Variants in SEL1L2 observed in about 807,000 individuals in gnomAD.
SEL1L2 encodes protein sel-1 homolog 2.
Under a neutral mutation model 98.8 loss-of-function variants are expected in SEL1L2, and 89 were observed. The observed-to-expected ratio is 0.90, with a 90% CI of 0.76 to 1.07. The LOEUF (loss-of-function observed/expected upper bound fraction) is 1.07, where lower values mean the gene tolerates loss of function less well. Among genes scored for constraint, SEL1L2 ranks in the 50% least tolerant of loss-of-function variants. The pLI is 0.00. For synonymous variants in SEL1L2, 262 were observed against 278.5 expected, an observed-to-expected ratio of 0.94 and a Z score of 0.59; for missense variants, 788 against 812.0, an observed-to-expected ratio of 0.97 and a Z score of 0.36.
chr20:13,973,113 G>C (rs2051360516), intron 1 of SEL1L2, among the ~76,000 whole-genome samples: 1 of 152,102 alleles, frequency 6.6e-6, no homozygotes, highest in East Asian at 1.9e-4. Context: ...TTCTCAGTTT[G>C]ATCTTGAGCA....
chr20:13,901,827 A>T (rs1209337344), intron 5 of SEL1L2, among the ~76,000 whole-genome samples: 1 of 151,636 alleles, frequency 6.6e-6, no homozygotes, highest in Non-Finnish European at 1.5e-5. Flanking sequence ...ACGCCCGGCT[A>T]ATTTTTTGTA....
At chr20:13,944,740 T>C (rs970616799) in intron 2 of SEL1L2, among the ~76,000 whole-genome samples, 1 of 152,248 alleles carries the variant, frequency 6.6e-6, no homozygotes, top group Non-Finnish European at 1.5e-5. Context: ...CTCTTCAAAC[T>C]GTTTCCTTTT....
At chr20:13,936,307 A>C (rs958850988) in intron 2 of SEL1L2, among the ~76,000 whole-genome samples, 9 of 152,186 alleles carry the variant, frequency 5.9e-5, no homozygotes, top group African/African-American at 9.7e-5. Flanking sequence ...AGCCCTTCCC[A>C]AAAACTAAAC....
intron 5 of SEL1L2, among the ~76,000 whole-genome samples, chr20:13,908,423 C>T (rs1004613279): frequency 6.6e-6 from 1 of 152,148 alleles, no homozygotes; most frequent in African/African-American, 2.4e-5. Context: ...CGTGTCTGGC[C>T]ATTTTTGACT....
intron 5 of SEL1L2, among the ~76,000 whole-genome samples, chr20:13,901,041 T>C (rs886687357): frequency 4.6e-5 from 7 of 151,976 alleles, no homozygotes; most frequent in Non-Finnish European, 1.0e-4. Context: ...AGTTAATTTT[T>C]TTTCCTTTTC....
chr20:13,880,179 T>C (rs1438824879), intron 10 of SEL1L2, among the ~76,000 whole-genome samples: 1 of 152,264 alleles, frequency 6.6e-6, no homozygotes, highest in Non-Finnish European at 1.5e-5. Context: ...AGCTCTAGTA[T>C]TATGATTCTG....
chr20:13,888,957 T>C (rs1236390657), intron 5 of SEL1L2, among the ~76,000 whole-genome samples: 5 of 145,160 alleles, frequency 3.4e-5, no homozygotes, highest in Admixed American at 3.4e-4. Context: ...CTTTCTTTTC[T>C]TTTCTTTTTT....
In SEL1L2 at chr20:13,983,390, C is replaced by A. The variant is rs6042467; in HGVS notation, c.58+7087G>T. Among the ~76,000 whole-genome samples the A allele has an allele frequency of 7.7e-3, 1,168 of 152,148 alleles. 14 individuals are homozygous for A. Among genetic ancestry groups the A allele is most frequent in the African/African-American group, 0.026 (1,085 of 41,498 alleles). ...CAAGGTGTATCTGAATGAAAAAGGG[C>A]AGACCTGTCTGTTTTGCCTTGAGAA... is the stretch of plus-strand genomic sequence containing the variant. On this transcript the variant is annotated intron_variant, in intron 1 of 19. Transcript: ENST00000284951.
At chr20:13,866,919 A>G in intron 14 of SEL1L2, 69 bp from the exon 15 acceptor site, 2 of 1,404,446 alleles carry the variant, frequency 1.4e-6, no homozygotes, top group Non-Finnish European at 9.4e-7. Context: ...CTATGGATAT[A>G]ATAGTCATAG....
In SEL1L2 at chr20:13,865,481, C is replaced by T. The variant is rs1990848086; in HGVS notation, c.1438G>A (p.Ala480Thr). Residue 480 changes from alanine (A) to threonine (T), a missense_variant, in exon 16 of 20, where the codon GCT becomes ACT. Coordinates refer to ENST00000284951, the MANE Select transcript of SEL1L2 (RefSeq NM_025229.2). The part of the protein sequence containing the change: ...YKGVCELGHW[A>T]EKFLTAYFAY... ...AAGTAAGCTGTCAGGAATTTCTCAG[C>T]CCAGTGGCCTAGTTCACAGACACCT... The T allele has an allele frequency of 1.2e-6, 2 of 1,613,944 alleles. No individual in the cohort carries two copies. The highest frequency in any genetic ancestry group is 1.7e-5 in the Admixed American group (1 of 59,996).
At chr20:13,955,525 C>A (rs1182992966) in intron 2 of SEL1L2, among the ~76,000 whole-genome samples, 1 of 152,004 alleles carries the variant, frequency 6.6e-6, no homozygotes, top group African/African-American at 2.4e-5. Flanking sequence ...AGAAAAAAAA[C>A]CACGAGGGCA....
intron 1 of SEL1L2, among the ~76,000 whole-genome samples, chr20:13,976,439 T>C (rs1427777590): frequency 6.6e-6 from 1 of 152,138 alleles, no homozygotes; most frequent in Non-Finnish European, 1.5e-5. Flanking sequence ...GACAGCCCAC[T>C]CCTGTTGACA....
At chr20:13,915,130 C>T (rs2148199149) in intron 4 of SEL1L2, 1 of 1,289,698 alleles carries the variant, frequency 7.8e-7, no homozygotes, top group Non-Finnish European at 1.0e-6. Context: ...CCTTTATGTA[C>T]AGCCCATCCA....
chr20:13,859,448 T>A lies in SEL1L2; in HGVS notation c.1646-14A>T, dbSNP rs190227536. The A allele has an allele frequency of 9.9e-5, 158 of 1,603,096 alleles. 1 individual carries two copies. In the African/African-American group the frequency reaches 1.7e-3, roughly 17 times the overall value. ...CAAATGCATTGCCTGATAGAAATAT[T>A]AGAGAAAAAAGAATCATAACTCAAA... On this transcript the variant is annotated splice_polypyrimidine_tract_variant and intron_variant, in intron 17 of 19. Coordinates refer to ENST00000284951, the MANE Select transcript of SEL1L2 (RefSeq NM_025229.2).
At chr20:13,994,585 G>A (rs1261962814), upstream of SEL1L2, among the ~76,000 whole-genome samples, 1 of 152,116 alleles carries the variant, frequency 6.6e-6, no homozygotes, top group Non-Finnish European at 1.5e-5. Context: ...AACAAATTTG[G>A]GGGGAGGGTA....
At chr20:13,868,066 T>C (rs143039958) in intron 14 of SEL1L2, among the ~76,000 whole-genome samples, 3,011 of 152,144 alleles carry the variant, frequency 0.02, 48 homozygotes, top group Non-Finnish European at 0.03. Flanking sequence ...CCCACAGAGA[T>C]TGTTACAAAC....
At chr20:13,856,107 C>T (rs987560114) in intron 18 of SEL1L2, among the ~76,000 whole-genome samples, 6 of 151,912 alleles carry the variant, frequency 3.9e-5, no homozygotes, top group African/African-American at 1.5e-4. Flanking sequence ...GAAGTACTTA[C>T]AAATCAAGTA....
chr20:13,900,995 T>C (rs1299216924), intron 5 of SEL1L2, among the ~76,000 whole-genome samples: 5 of 152,198 alleles, frequency 3.3e-5, no homozygotes, highest in Admixed American at 3.3e-4. Flanking sequence ...TCAGTTTTTG[T>C]TTACTAATCC....
At chr20:13,936,694 T>C (rs2049469996) in intron 2 of SEL1L2, among the ~76,000 whole-genome samples, 1 of 152,320 alleles carries the variant, frequency 6.6e-6, no homozygotes, top group East Asian at 1.9e-4. Context: ...GGGAGGTTGA[T>C]TTGAGTGATA....
Sources: allele counts gnomAD v4.1 joint callset (sites outside exome capture counted in the v4.1 genomes callset), GRCh38; gene constraint gnomAD v4.1.1; transcripts MANE v1.5; gene names NCBI Gene and HGNC (gene_info 2026-07-23, HGNC 2026-07-21).